The following MDFIC variants were observed in gnomAD, a reference collection of about 807,000 sequenced individuals.
MDFIC encodes myoD family inhibitor domain-containing protein.
A neutral mutation model predicts 23.2 loss-of-function variants in MDFIC; 17 were observed. The observed-to-expected ratio is 0.73, with a 90% CI of 0.50 to 1.10. MDFIC has a LOEUF of 1.10. Among genes scored for constraint, MDFIC ranks in the 50% least tolerant of loss-of-function variants. The pLI, the probability that MDFIC is intolerant of heterozygous loss-of-function variation, is 0.00. For missense variants in MDFIC, 356 were observed against 316.6 expected (o/e 1.12, Z -0.95); for synonymous variants, 120 against 115.2 (o/e 1.04, Z -0.27).
At chr7:114,966,457 A>G (rs1481432071) in intron 3 of MDFIC, among the ~76,000 whole-genome samples, 1 of 151,572 alleles carries the variant, frequency 6.6e-6, no homozygotes, top group East Asian at 1.9e-4. Flanking sequence ...ATGTCATTTT[A>G]TATGGTTATT....
chr7:114,960,301 T>G (rs1300279986), intron 3 of MDFIC, among the ~76,000 whole-genome samples: 7 of 152,150 alleles, frequency 4.6e-5, no homozygotes, highest in Admixed American at 2.0e-4. Context: ...AGGGCCATTG[T>G]GAGTTATGCC....
At position 115,010,465 on chromosome 7, in the gene MDFIC, AT is replaced by A. The variant is rs566721569; in HGVS notation, c.494-5217del. ...GAATTTAAGGAACCTTTTTTGGCTAATTTTTTGTTGTAATTTCTAGATATTT... is the reference window on the plus strand; with the variant it reads ...GAATTTAAGGAACCTTTTTTGGCTAATTTTTGTTGTAATTTCTAGATATTT... On this transcript the variant is annotated intron_variant, in intron 4 of 4. Transcript: ENST00000393486. Among the ~76,000 whole-genome samples, 264 of 152,224 alleles carry A rather than the reference AT, an allele frequency of 1.7e-3. 1 individual carries two copies. Among genetic ancestry groups the A allele is most frequent in the African/African-American group, 6.1e-3 (252 of 41,546 alleles).
At chr7:114,951,026 CA>C (rs549267703) in intron 3 of MDFIC, among the ~76,000 whole-genome samples, 2 of 151,952 alleles carry the variant, frequency 1.3e-5, no homozygotes, top group African/African-American at 2.4e-5. Context: ...AAAACAAACA[CA>C]AAAAAATCAT....
At chr7:114,930,802 T>C (rs888002429) in intron 2 of MDFIC, among the ~76,000 whole-genome samples, 3 of 152,204 alleles carry the variant, frequency 2.0e-5, no homozygotes, top group African/African-American at 7.2e-5. Flanking sequence ...CCAGATTATC[T>C]TTCTGAGACA....
At chr7:115,002,146 AAAAC>A (rs149240333) in intron 4 of MDFIC, among the ~76,000 whole-genome samples, 20 of 152,076 alleles carry the variant, frequency 1.3e-4, no homozygotes, top group South Asian at 2.1e-4. Context: ...CAAAAAACAA[AAAAC>A]AAACAAACAA....
chr7:114,995,745 G>C (rs963404274), intron 4 of MDFIC, among the ~76,000 whole-genome samples: 8 of 152,224 alleles, frequency 5.3e-5, no homozygotes, highest in African/African-American at 1.9e-4. Context: ...TGAGGTGTCA[G>C]TCTGCCCCTA....
chr7:115,009,835 T>C (rs1234634023), intron 4 of MDFIC, among the ~76,000 whole-genome samples: 3 of 152,370 alleles, frequency 2.0e-5, no homozygotes, highest in South Asian at 2.1e-4. Context: ...TTTCCTTTTA[T>C]GCTCTCCTTT....
chr7:115,005,718 A>T lies in MDFIC; in HGVS notation c.494-9970A>T, dbSNP rs536120106. 4.6e-5 allele frequency among the ~76,000 whole-genome samples: 7 copies of T among 152,308 alleles called. No homozygotes were observed. In the East Asian group the frequency reaches 1.4e-3, roughly 29 times the overall value. On this transcript the variant is annotated intron_variant, in intron 4 of 4. Coordinates refer to ENST00000393486, the MANE Select transcript of MDFIC (RefSeq NM_001166345.3). ...TTCATAGATCGTTTTTAGCTCTGGA[A>T]TTGTTTGTACACTAAATTAAGGCGG...
chr7:114,962,156 C>T (rs1175192525), intron 3 of MDFIC, among the ~76,000 whole-genome samples: 2 of 152,094 alleles, frequency 1.3e-5, no homozygotes, highest in Non-Finnish European at 2.9e-5. Context: ...GATCTATACT[C>T]TTGTAATTTA....
chr7:114,975,273 G>A (rs1044707293), intron 3 of MDFIC, among the ~76,000 whole-genome samples: 3 of 151,860 alleles, frequency 2.0e-5, no homozygotes, highest in African/African-American at 7.2e-5. Context: ...GAACATACAG[G>A]CAAAAAAATG....
intron 4 of MDFIC, among the ~76,000 whole-genome samples, chr7:114,993,526 G>A (rs2116040296): frequency 6.6e-6 from 1 of 152,260 alleles, no homozygotes; most frequent in East Asian, 1.9e-4. Context: ...CTTTAAACGT[G>A]TCCCAGAGAT....
chr7:114,931,426 A>G (rs775036415), intron 2 of MDFIC, among the ~76,000 whole-genome samples: 1 of 152,194 alleles, frequency 6.6e-6, no homozygotes, highest in Non-Finnish European at 1.5e-5. Context: ...ATTAATTTTT[A>G]TGCTAGCACA....
At chr7:114,988,786 A>G (rs949862356) in intron 4 of MDFIC, among the ~76,000 whole-genome samples, 9 of 152,212 alleles carry the variant, frequency 5.9e-5, no homozygotes, top group Non-Finnish European at 1.2e-4. Flanking sequence ...GGAAATATAC[A>G]AATGGAGCTG....
At chr7:114,971,168 T>C (rs1793197758) in intron 3 of MDFIC, among the ~76,000 whole-genome samples, 1 of 152,194 alleles carries the variant, frequency 6.6e-6, no homozygotes, top group South Asian at 2.1e-4. Context: ...CATACAAATA[T>C]ATGGACAGTT....
chr7:114,933,144 A>T (rs1326498022), intron 2 of MDFIC, among the ~76,000 whole-genome samples: 1 of 152,262 alleles, frequency 6.6e-6, no homozygotes, highest in Non-Finnish European at 1.5e-5. Flanking sequence ...ACTGAGAGGT[A>T]ACAAAAAGGT....
intron 4 of MDFIC, among the ~76,000 whole-genome samples, chr7:114,980,660 A>T (rs967152009): frequency 6.6e-6 from 1 of 152,070 alleles, no homozygotes; most frequent in African/African-American, 2.4e-5. Context: ...TTTAGCAGTT[A>T]TTGGATGTCT....
Position 114,972,079 on chromosome 7 carries a change from T to C in MDFIC, c.218-7427T>C, listed in dbSNP as rs181680747. On this transcript the variant is annotated intron_variant, in intron 3 of 4. Transcript: ENST00000393486. ...CTGGGAAGCTAGGCCTCCCCGTACA[T>C]AGGAGGATCTGTCATTTCTCTCATT... Among the ~76,000 whole-genome samples the C allele has an allele frequency of 9.9e-5, 15 of 152,170 alleles. No homozygotes were observed. In the East Asian group the frequency reaches 1.9e-3, roughly 20 times the overall value.
chr7:114,929,453 G>A (rs1476101742), intron 2 of MDFIC, among the ~76,000 whole-genome samples: 1 of 152,148 alleles, frequency 6.6e-6, no homozygotes, highest in African/African-American at 2.4e-5. Context: ...TAAGGGACCT[G>A]CTATAGATAT....
At chr7:115,007,628 G>GTATATA (rs1237300160) in intron 4 of MDFIC, among the ~76,000 whole-genome samples, 86 of 39,946 alleles carry the variant, frequency 2.2e-3, no homozygotes, top group African/African-American at 5.2e-3. Flanking sequence ...GTGCGTGTGT[G>GTATATA]TGTATATATA....
Sources: allele counts gnomAD v4.1 joint callset (sites outside exome capture counted in the v4.1 genomes callset), GRCh38; gene constraint gnomAD v4.1.1; transcripts MANE v1.5; gene names NCBI Gene and HGNC (gene_info 2026-07-23, HGNC 2026-07-21).